Variants in IFT81 observed in about 807,000 individuals in gnomAD.
The protein encoded by IFT81 is intraflagellar transport protein 81 homolog.
Under a neutral mutation model 102.6 loss-of-function variants are expected in IFT81, and 72 were observed. The observed-to-expected ratio is 0.70, with a 90% CI of 0.58 to 0.85. The LOEUF (loss-of-function observed/expected upper bound fraction) is 0.85, where lower values mean the gene tolerates loss of function less well. Among genes scored for constraint, IFT81 ranks in the 40% least tolerant of loss-of-function variants. The pLI is 0.00. For missense variants in IFT81, 723 were observed against 787.3 expected, an observed-to-expected ratio of 0.92 and a Z score of 0.98; for synonymous variants, 237 against 242.7, an observed-to-expected ratio of 0.98 and a Z score of 0.22.
intron 1 of IFT81, among the ~76,000 whole-genome samples, chr12:110,125,253 G>A (rs1244655262): frequency 6.6e-6 from 1 of 151,946 alleles, no homozygotes; most frequent in Non-Finnish European, 1.5e-5. Context: ...TTACGTAAAG[G>A]TTTTCCTTTT....
Position 110,143,386 on chromosome 12 carries a change from A to G in IFT81, c.786A>G (p.Leu262=). 6 of 1,324,450 alleles carry G rather than the reference A, an allele frequency of 4.5e-6. No individual in the cohort carries two copies. The highest frequency in any genetic ancestry group is 6.1e-6 in the Non-Finnish European group (6 of 990,950). The allele number at this position is 1,324,450 out of a possible 1,614,324, so 82.0% of individuals were successfully genotyped here. ...TTATTTATTTTATTTTTAAAGGTTT[A>G]ATGAAGAGGCTAGAGGAGGAGATAA... ...QAAADAKPES[L]MKRLEEEIKF... The change falls in exon 9 of 19, where the codon TTA becomes TTG. Residue 262 remains leucine (L), a synonymous_variant. Transcript: ENST00000242591.
intron 14 of IFT81, among the ~76,000 whole-genome samples, chr12:110,203,161 G>T (rs1373812621): frequency 6.6e-6 from 1 of 152,162 alleles, no homozygotes; most frequent in African/African-American, 2.4e-5. Context: ...AGCTGCTTTG[G>T]AGTCTGAGGC....
At chr12:110,202,148 G>A (rs563251367) in intron 14 of IFT81, among the ~76,000 whole-genome samples, 10 of 152,264 alleles carry the variant, frequency 6.6e-5, no homozygotes, top group Middle Eastern at 6.8e-3. Flanking sequence ...AAACACATGA[G>A]TAATTTGTTG....
chr12:110,173,405 C>T (rs1220146191), intron 11 of IFT81, among the ~76,000 whole-genome samples: 14 of 149,220 alleles, frequency 9.4e-5, no homozygotes, highest in African/African-American at 3.5e-4. Flanking sequence ...TCTGCCCGGC[C>T]GCCCCTACTG....
intron 10 of IFT81, among the ~76,000 whole-genome samples, chr12:110,160,852 A>G (rs1896093053): frequency 6.6e-6 from 1 of 152,176 alleles, no homozygotes; most frequent in Admixed American, 6.6e-5. Context: ...AATTATATAA[A>G]CATGCAAATT....
chr12:110,167,289 G>A (rs1376927134), intron 11 of IFT81, among the ~76,000 whole-genome samples: 2 of 152,120 alleles, frequency 1.3e-5, no homozygotes, highest in Non-Finnish European at 2.9e-5. Flanking sequence ...GCAGTACACA[G>A]GAATAAGCAC....
chr12:110,170,213 A>G (rs983237414), intron 11 of IFT81, among the ~76,000 whole-genome samples: 6 of 152,202 alleles, frequency 3.9e-5, no homozygotes, highest in African/African-American at 1.4e-4. Flanking sequence ...TTAGCCTCCC[A>G]AAGTGCTGGG....
chr12:110,166,884 C>T (rs1239198305), intron 11 of IFT81, among the ~76,000 whole-genome samples: 5 of 151,718 alleles, frequency 3.3e-5, no homozygotes, highest in Non-Finnish European at 7.4e-5. Flanking sequence ...AACTTTATTC[C>T]TTGATTGTCG....
Position 110,205,441 on chromosome 12 carries a change from A to G in IFT81, c.1645-2A>G, listed in dbSNP as rs1254806143. ...TCACCTATCTAAAATTATATATTAT[A>G]GGAAGTTAGAAGACTCCGTGAAGAA... On this transcript the variant is annotated splice_acceptor_variant, in intron 15 of 18. Coordinates refer to ENST00000242591, the MANE Select transcript of IFT81 (RefSeq NM_014055.4). LOFTEE classifies it high-confidence loss of function. 1.9e-6 allele frequency: 3 copies of G among 1,588,020 alleles called. No individual in the cohort carries two copies. Among genetic ancestry groups the G allele is most frequent in the Non-Finnish European group, 1.7e-6 (2 of 1,171,930 alleles).
chr12:110,215,152 C>T (rs1869913630), intron 18 of IFT81, among the ~76,000 whole-genome samples: 1 of 152,084 alleles, frequency 6.6e-6, no homozygotes, highest in Non-Finnish European at 1.5e-5. Flanking sequence ...CTTATTTAGG[C>T]AAGTACCAAC....
rs111864874 is a variant in IFT81 at position 110,164,793 on chromosome 12, G to A, written c.1188+1728G>A. 2.0e-3 allele frequency among the ~76,000 whole-genome samples: 308 copies of A among 152,258 alleles called. 3 individuals are homozygous for A. The highest frequency in any genetic ancestry group is 7.0e-3 in the African/African-American group (292 of 41,554). ...TTTAAATGATATCTGGAAGTCAACA[G>A]TGTATGCTTCATGACATCTTTGCTG... is the stretch of plus-strand genomic sequence containing the variant. On this transcript the variant is annotated intron_variant, in intron 11 of 18. Transcript: ENST00000242591.
chr12:110,161,040 A>G (rs1305818993), intron 10 of IFT81, among the ~76,000 whole-genome samples: 1 of 151,918 alleles, frequency 6.6e-6, no homozygotes, highest in Non-Finnish European at 1.5e-5. Context: ...TTGGGGATGA[A>G]GTTTATATTT....
intron 14 of IFT81, 136 bp from the exon 15 acceptor site, chr12:110,203,728 G>A (rs1409256304): frequency 3.0e-6 from 2 of 668,642 alleles, no homozygotes; most frequent in East Asian, 5.1e-5. Flanking sequence ...ATGTCTGGTT[G>A]TTGCATAAAT....
chr12:110,151,658 T>C (rs1895536041), intron 10 of IFT81, among the ~76,000 whole-genome samples: 2 of 152,226 alleles, frequency 1.3e-5, no homozygotes. Flanking sequence ...CACATACTTA[T>C]TGTTTTGTGG....
intron 11 of IFT81, among the ~76,000 whole-genome samples, chr12:110,172,906 G>A (rs1359899729): frequency 6.6e-6 from 1 of 151,268 alleles, no homozygotes; most frequent in African/African-American, 2.4e-5. Context: ...AGTGAGGAGC[G>A]TCTCCGCCCG....
At chr12:110,154,784 C>G (rs1895746765) in intron 10 of IFT81, among the ~76,000 whole-genome samples, 1 of 152,010 alleles carries the variant, frequency 6.6e-6, no homozygotes, top group African/African-American at 2.4e-5. Context: ...CTTTTAAAAT[C>G]TATTGAAACT....
At chr12:110,138,841 A>G (rs775425501) in intron 8 of IFT81, among the ~76,000 whole-genome samples, 2 of 152,244 alleles carry the variant, frequency 1.3e-5, no homozygotes, top group South Asian at 2.1e-4. Context: ...GGTTTTTAAT[A>G]TAAAAGTTTG....
intron 11 of IFT81, among the ~76,000 whole-genome samples, chr12:110,166,898 T>C (rs755978715): frequency 1.6e-4 from 24 of 152,040 alleles, no homozygotes; most frequent in Non-Finnish European, 2.8e-4. Flanking sequence ...ATTGTCGATA[T>C]GTAGTTATTT....
chr12:110,189,630 C>T (rs537695501), intron 12 of IFT81, among the ~76,000 whole-genome samples: 8 of 152,208 alleles, frequency 5.3e-5, no homozygotes, highest in Admixed American at 2.0e-4. Flanking sequence ...ATTACAGGCG[C>T]GAGCCACCAC....
Sources: allele counts gnomAD v4.1 joint callset (sites outside exome capture counted in the v4.1 genomes callset), GRCh38; gene constraint gnomAD v4.1.1; transcripts MANE v1.5; gene names NCBI Gene and HGNC (gene_info 2026-07-23, HGNC 2026-07-21).